Variants in ZFAT observed in about 807,000 individuals in gnomAD.
The protein encoded by ZFAT is zinc finger and AT-hook domain containing.
In ZFAT, 64 loss-of-function variants were observed where a neutral mutation model predicts 117.7. That is an observed-to-expected ratio of 0.54 (90% CI 0.44 to 0.67). The LOEUF is 0.67. ZFAT is among the 30% of genes least tolerant of loss of function. ZFAT has a pLI of 0.00. For synonymous variants in ZFAT, 679 were observed against 615.0 expected, an observed-to-expected ratio of 1.10 and a Z score of -1.54; for missense variants, 1,433 against 1,584.5, an observed-to-expected ratio of 0.90 and a Z score of 1.62.
At chr8:134,556,434 C>A (rs929410037) in intron 11 of ZFAT, among the ~76,000 whole-genome samples, 11 of 152,076 alleles carry the variant, frequency 7.2e-5, no homozygotes, top group African/African-American at 2.7e-4. Context: ...TGGTTGAGAA[C>A]AGTCCAAAAC....
chr8:134,717,649 A>AT (rs796180794), upstream of ZFAT, among the ~76,000 whole-genome samples: 212 of 143,688 alleles, frequency 1.5e-3, no homozygotes, highest in African/African-American at 4.5e-3. Context: ...CACCCGGCTA[A>AT]TTTTTTTTTT....
intron 11 of ZFAT, among the ~76,000 whole-genome samples, chr8:134,553,747 C>A (rs752159170): frequency 7.2e-5 from 11 of 152,174 alleles, no homozygotes; most frequent in Non-Finnish European, 1.5e-4. Context: ...TATTTACTTC[C>A]TGACTAATCA....
At chr8:134,660,008 T>C (rs1044446228) in intron 1 of ZFAT, among the ~76,000 whole-genome samples, 1 of 152,200 alleles carries the variant, frequency 6.6e-6, no homozygotes, top group African/African-American at 2.4e-5. Flanking sequence ...CCAATCGATA[T>C]TATTTTTTTC....
chr8:134,681,744 T>C (rs1833079238), intron 1 of ZFAT, among the ~76,000 whole-genome samples: 1 of 152,172 alleles, frequency 6.6e-6, no homozygotes, highest in South Asian at 2.1e-4. Context: ...GGTGGCAAAT[T>C]CTTTCTGAGT....
chr8:134,585,676 C>T (rs546938397), intron 9 of ZFAT, among the ~76,000 whole-genome samples: 20 of 152,296 alleles, frequency 1.3e-4, no homozygotes, highest in African/African-American at 3.1e-4. Flanking sequence ...CTGTGACATA[C>T]GGTCGTGGAA....
chr8:134,546,683 G>T (rs907143800), intron 11 of ZFAT, among the ~76,000 whole-genome samples: 3 of 152,198 alleles, frequency 2.0e-5, no homozygotes, highest in Non-Finnish European at 4.4e-5. Context: ...CAGTGGAGAG[G>T]TCTGTGGCCT....
intron 11 of ZFAT, among the ~76,000 whole-genome samples, chr8:134,545,597 G>A (rs375641401): frequency 2.0e-5 from 3 of 152,318 alleles, no homozygotes; most frequent in East Asian, 3.9e-4. Flanking sequence ...AGTAATTACA[G>A]TTTTTGCCAT....
chr8:134,536,753 T>C (rs1342441515), intron 11 of ZFAT, among the ~76,000 whole-genome samples: 1 of 152,214 alleles, frequency 6.6e-6, no homozygotes, highest in East Asian at 1.9e-4. Flanking sequence ...ATTCCCTAAA[T>C]ATATACAGGT....
At chr8:134,799,212 G>A in the ZFAT span, among the ~76,000 whole-genome samples, 1 of 152,110 alleles carries the variant, frequency 6.6e-6, no homozygotes, top group Non-Finnish European at 1.5e-5. Context: ...ATTTAATCAT[G>A]TATTTCTCAT....
the ZFAT span, among the ~76,000 whole-genome samples, chr8:134,726,766 T>C: frequency 1.3e-5 from 2 of 151,708 alleles, no homozygotes; most frequent in Non-Finnish European, 2.9e-5. Context: ...CATGCCTGGC[T>C]AAATTTTTTT....
chr8:134,784,130 T>C, the ZFAT span: 7 of 152,310 alleles, frequency 4.6e-5, no homozygotes, highest in Admixed American at 3.3e-4. Context: ...CAGGAGCAAG[T>C]TGAGGGCTAG....
intron 10 of ZFAT, among the ~76,000 whole-genome samples, chr8:134,573,237 C>T (rs1011369525): frequency 1.3e-5 from 2 of 151,808 alleles, no homozygotes; most frequent in Non-Finnish European, 2.9e-5. Flanking sequence ...TGCATGTGTG[C>T]GTGTATGTGT....
the ZFAT span, among the ~76,000 whole-genome samples, chr8:134,815,423 G>C: frequency 6.6e-6 from 1 of 152,150 alleles, no homozygotes; most frequent in Non-Finnish European, 1.5e-5. Flanking sequence ...AGAAATCCAA[G>C]TTGCTAGTAT....
chr8:134,734,502 A>G, the ZFAT span, among the ~76,000 whole-genome samples: 3 of 152,218 alleles, frequency 2.0e-5, no homozygotes, highest in African/African-American at 7.2e-5. Context: ...AGTGTGCCTG[A>G]CACTGTGCAC....
At chr8:134,799,202 A>G in the ZFAT span, among the ~76,000 whole-genome samples, 26 of 152,300 alleles carry the variant, frequency 1.7e-4, no homozygotes, top group Middle Eastern at 3.4e-3. Context: ...TCACATTTTT[A>G]TTTAATCATG....
At chr8:134,782,652 A>G in the ZFAT span, among the ~76,000 whole-genome samples, 6 of 152,160 alleles carry the variant, frequency 3.9e-5, no homozygotes, top group Middle Eastern at 3.4e-3. Flanking sequence ...AAGATCTGAT[A>G]GTTTTATAAG....
intron 3 of ZFAT, among the ~76,000 whole-genome samples, chr8:134,624,589 G>A (rs539385154): frequency 6.6e-6 from 1 of 152,194 alleles, no homozygotes; most frequent in South Asian, 2.1e-4. Context: ...CCCAGGAGGT[G>A]GAGGTTGCAA....
chr8:134,628,107 C>T (rs1433342041), intron 3 of ZFAT, among the ~76,000 whole-genome samples: 1 of 152,160 alleles, frequency 6.6e-6, no homozygotes. Context: ...ACTTGAAGAC[C>T]AGCAGGAATC....
At chr8:134,636,885 G>A (rs553097329) in intron 3 of ZFAT, among the ~76,000 whole-genome samples, 1 of 152,212 alleles carries the variant, frequency 6.6e-6, no homozygotes, top group Non-Finnish European at 1.5e-5. Context: ...ATCTGAAGGA[G>A]GCACCCGATA....
Sources: allele counts gnomAD v4.1 joint callset (sites outside exome capture counted in the v4.1 genomes callset), GRCh38; gene constraint gnomAD v4.1.1; transcripts MANE v1.5; gene names NCBI Gene and HGNC (gene_info 2026-07-23, HGNC 2026-07-21).